AKAP13: variants seen among roughly 807,000 people sequenced by gnomAD.
The protein encoded by AKAP13 is A-kinase anchoring protein 13.
Under a neutral mutation model 264.5 loss-of-function variants are expected in AKAP13, and 80 were observed. The ratio of observed to expected loss-of-function variants is 0.30; its 90% CI spans 0.25 to 0.36. AKAP13 has a LOEUF of 0.36. Ranked by LOEUF, AKAP13 falls within the 10% of genes least tolerant of loss-of-function variation. AKAP13 has a pLI of 1.00. For missense variants in AKAP13, 3,712 were observed against 3,435.2 expected, an observed-to-expected ratio of 1.08 and a Z score of -2.01; for synonymous variants, 1,380 against 1,250.2, an observed-to-expected ratio of 1.10 and a Z score of -2.19.
At chr15:85,555,392 G>T in intron 5 of AKAP13, 2 of 1,278,824 alleles carry the variant, frequency 1.6e-6, no homozygotes, top group Non-Finnish European at 2.0e-6. Flanking sequence ...CCTTTAGGAG[G>T]GGTAACCAGG....
chr15:85,677,220 G>A, intron 14 of AKAP13: 31 of 825,556 alleles, frequency 3.8e-5, no homozygotes, highest in Admixed American at 6.2e-5. Flanking sequence ...GCCATCCTTT[G>A]TAAGTCATTT....
chr15:85,396,282 C>T (rs781394732), intron 1 of AKAP13, among the ~76,000 whole-genome samples: 5 of 152,232 alleles, frequency 3.3e-5, no homozygotes, highest in East Asian at 1.9e-4. Flanking sequence ...GCTTGGTCCA[C>T]GTAGGGCTCT....
chr15:85,427,718 A>G (rs2072858429), intron 1 of AKAP13, among the ~76,000 whole-genome samples: 1 of 152,244 alleles, frequency 6.6e-6, no homozygotes, highest in South Asian at 2.1e-4. Context: ...ATTTGGGTCT[A>G]CAAAACCAGT....
At chr15:85,453,695 C>T (rs1271978497) in intron 1 of AKAP13, among the ~76,000 whole-genome samples, 1 of 152,084 alleles carries the variant, frequency 6.6e-6, no homozygotes, top group Non-Finnish European at 1.5e-5. Context: ...GCCTCAGACA[C>T]TCTGAAGCTC....
At chr15:85,691,599 G>A (rs1036763332) in intron 16 of AKAP13, among the ~76,000 whole-genome samples, 4 of 152,196 alleles carry the variant, frequency 2.6e-5, no homozygotes, top group Non-Finnish European at 4.4e-5. Context: ...CATTCCTGCA[G>A]TATTCTTAAG....
intron 8 of AKAP13, among the ~76,000 whole-genome samples, chr15:85,600,107 A>G (rs1419463237): frequency 6.6e-6 from 1 of 152,104 alleles, no homozygotes; most frequent in Non-Finnish European, 1.5e-5. Context: ...GAGAAGGTGA[A>G]GGAGACCTTT....
intron 8 of AKAP13, among the ~76,000 whole-genome samples, chr15:85,601,535 A>G (rs2080070965): frequency 6.6e-6 from 1 of 151,806 alleles, no homozygotes; most frequent in Non-Finnish European, 1.5e-5. Flanking sequence ...TCTCTGAGAC[A>G]GTAAATTTAA....
intron 2 of AKAP13, among the ~76,000 whole-genome samples, chr15:85,491,516 A>ATATAT (rs1422451222): frequency 1.1e-4 from 9 of 82,622 alleles, no homozygotes; most frequent in South Asian, 2.9e-4. Context: ...ATTATATATT[A>ATATAT]TATATATTAT....
rs71138392 is a variant in AKAP13 at position 85,399,502 on chromosome 15, CAAAAAA to C, written c.-12+18719_-12+18724del. Reference sequence around the variant, plus strand: ...TGGGCGACAGAGCGAGACTCCGTCTCAAAAAAAAAAAAAAAAAAAATAAAAAAATAA... The same window carrying C: ...TGGGCGACAGAGCGAGACTCCGTCTCAAAAAAAAAAAAAATAAAAAAATAA... On this transcript the variant is annotated intron_variant, in intron 1 of 36. Transcript: ENST00000394518. Among the ~76,000 whole-genome samples, 284 of 77,082 alleles carry C rather than the reference CAAAAAA, an allele frequency of 3.7e-3. 9 individuals are homozygous for C. In the East Asian group the frequency reaches 0.058, roughly 16 times the overall value. The allele number at this position is 77,082 out of a possible 152,430, so 50.6% of individuals were successfully genotyped here.
At chr15:85,542,966 C>G (rs1411701891) in intron 4 of AKAP13, among the ~76,000 whole-genome samples, 2 of 152,204 alleles carry the variant, frequency 1.3e-5, no homozygotes, top group Non-Finnish European at 2.9e-5. Context: ...ATGAATCACG[C>G]TTGGTCACAC....
intron 3 of AKAP13, among the ~76,000 whole-genome samples, chr15:85,529,842 C>G (rs1044616263): frequency 6.6e-6 from 1 of 152,158 alleles, no homozygotes; most frequent in South Asian, 2.1e-4. Context: ...ATCTTTTAAC[C>G]CTCAGGTTTT....
chr15:85,418,996 G>C (rs973704741), intron 1 of AKAP13, among the ~76,000 whole-genome samples: 1 of 152,178 alleles, frequency 6.6e-6, no homozygotes, highest in African/African-American at 2.4e-5. Context: ...ATAAGAAATG[G>C]ATTCTGTGCT....
chr15:85,714,795 C>T (rs1397917693), intron 19 of AKAP13, among the ~76,000 whole-genome samples: 3 of 152,068 alleles, frequency 2.0e-5, no homozygotes, highest in African/African-American at 7.2e-5. Context: ...AGTGAAACCC[C>T]GTCTCTATTA....
intron 8 of AKAP13, among the ~76,000 whole-genome samples, chr15:85,607,059 C>CT (rs1034603638): frequency 6.7e-6 from 1 of 149,186 alleles, no homozygotes; most frequent in Non-Finnish European, 1.5e-5. Flanking sequence ...AGGCTTTTTT[C>CT]TTTTTTTCTT....
At chr15:85,454,257 G>T (rs1200075644) in intron 1 of AKAP13, among the ~76,000 whole-genome samples, 1 of 152,160 alleles carries the variant, frequency 6.6e-6, no homozygotes, top group African/African-American at 2.4e-5. Context: ...GGGTCTTCAC[G>T]CATGCCAAGA....
At chr15:85,424,766 T>C (rs62022065) in intron 1 of AKAP13, among the ~76,000 whole-genome samples, 34,600 of 152,120 alleles carry the variant, frequency 0.23, 4,222 homozygotes, top group South Asian at 0.32. Context: ...TTTCTAGCTT[T>C]TGAGTTAAAG....
chr15:85,433,334 G>A (rs1215265897), intron 1 of AKAP13, among the ~76,000 whole-genome samples: 1 of 152,028 alleles, frequency 6.6e-6, no homozygotes, highest in Non-Finnish European at 1.5e-5. Context: ...ATATATAAAT[G>A]TGTTAAATTT....
chr15:85,565,365 C>T (rs1269176577), intron 5 of AKAP13, among the ~76,000 whole-genome samples: 2 of 152,174 alleles, frequency 1.3e-5, no homozygotes, highest in African/African-American at 4.8e-5. Context: ...TCAGCTGAGG[C>T]TATGGTGCCT....
chr15:85,581,646 A>G lies in AKAP13; in HGVS notation c.3578A>G (p.Lys1193Arg), dbSNP rs2079143745. The G allele has an allele frequency of 1.9e-6, 3 of 1,614,064 alleles. No individual in the cohort carries two copies. The highest frequency in any genetic ancestry group is 1.3e-5 in the African/African-American group (1 of 74,928). ...AHPVLLQPVA[K>R]ELPTDMELSA... ...CCTGTCCTACTGCAGCCTGTTGCCAAGGAGCTCCCCACAGACATGGAGCTC... is the reference window on the plus strand; with the variant it reads ...CCTGTCCTACTGCAGCCTGTTGCCAGGGAGCTCCCCACAGACATGGAGCTC... The change falls in exon 7 of 37, where the codon AAG becomes AGG. Residue 1193 changes from lysine (K) to arginine (R), a missense_variant. Lys to Arg is a conservative substitution (Grantham distance 26, BLOSUM62 2). This residue lies in a region of AKAP13 where 2,759 missense variants were observed against 2,411.7 expected (regional missense o/e 1.14). Coordinates refer to ENST00000394518, the MANE Select transcript of AKAP13 (RefSeq NM_007200.5).
Sources: gnomAD v4.1 joint callset for allele counts (sites outside exome capture counted in the v4.1 genomes callset) on GRCh38, gnomAD v4.1.1 for gene constraint, gnomAD v4.1.1 regional missense constraint, MANE v1.5 for transcripts, NCBI Gene and HGNC (gene_info 2026-07-23, HGNC 2026-07-21) for gene names.